GPR158: variants seen among roughly 807,000 people sequenced by gnomAD.
GPR158 encodes metabotropic glycine receptor.
A neutral mutation model predicts 78.2 loss-of-function variants in GPR158; 30 were observed. The observed-to-expected ratio is 0.38, with a 90% confidence interval of 0.29 to 0.52. The LOEUF is 0.52. Ranked by LOEUF, GPR158 falls within the 20% of genes least tolerant of loss-of-function variation. The pLI is 0.83. For missense variants in GPR158, 1,463 were observed against 1,523.5 expected, an observed-to-expected ratio of 0.96 and a Z score of 0.66; for synonymous variants, 581 against 591.1, an observed-to-expected ratio of 0.98 and a Z score of 0.25.
intron 1 of GPR158, among the ~76,000 whole-genome samples, chr10:25,205,644 A>C (rs1457403683): frequency 6.6e-6 from 1 of 152,028 alleles, no homozygotes. Flanking sequence ...AATTTTAAAG[A>C]ATTTCTTGAT....
intron 2 of GPR158, among the ~76,000 whole-genome samples, chr10:25,264,125 C>T (rs1267315048): frequency 1.3e-5 from 2 of 152,026 alleles, no homozygotes; most frequent in East Asian, 1.9e-4. Context: ...CCAAAGATTC[C>T]TTCCTTTTAA....
chr10:25,460,656 C>T (rs1013991671), intron 4 of GPR158, among the ~76,000 whole-genome samples: 14 of 151,996 alleles, frequency 9.2e-5, no homozygotes, highest in African/African-American at 3.4e-4. Context: ...TCTCTGGAAA[C>T]AAACAAACAA....
intron 4 of GPR158, among the ~76,000 whole-genome samples, chr10:25,436,465 G>C (rs1834998900): frequency 6.6e-6 from 1 of 152,176 alleles, no homozygotes; most frequent in Non-Finnish European, 1.5e-5. Flanking sequence ...AGTATAGAAA[G>C]AAGAAAACAA....
At chr10:25,339,747 A>T (rs1283585663) in intron 2 of GPR158, among the ~76,000 whole-genome samples, 1 of 152,044 alleles carries the variant, frequency 6.6e-6, no homozygotes, top group African/African-American at 2.4e-5. Flanking sequence ...TCTATATTTG[A>T]TGCACTGCTA....
intron 2 of GPR158, among the ~76,000 whole-genome samples, chr10:25,373,975 A>G (rs1329262): frequency 0.65 from 97,772 of 151,456 alleles, 32,518 homozygotes; most frequent in Non-Finnish European, 0.73. Flanking sequence ...CTTCATACTT[A>G]ATGATTTTTT....
chr10:25,302,051 T>G (rs1854603536), intron 2 of GPR158, among the ~76,000 whole-genome samples: 1 of 151,172 alleles, frequency 6.6e-6, no homozygotes, highest in Non-Finnish European at 1.5e-5. Flanking sequence ...TTATCGCATC[T>G]ATCAGTAATT....
intron 2 of GPR158, among the ~76,000 whole-genome samples, chr10:25,334,994 CTT>C (rs1855177766): frequency 6.6e-6 from 1 of 151,946 alleles, no homozygotes; most frequent in Non-Finnish European, 1.5e-5. Context: ...GAATGCAAAT[CTT>C]TGATTTTTTA....
intron 1 of GPR158, among the ~76,000 whole-genome samples, chr10:25,191,163 G>A (rs1216671866): frequency 6.6e-6 from 1 of 152,212 alleles, no homozygotes; most frequent in Non-Finnish European, 1.5e-5. Context: ...AAGAACCAAT[G>A]TTTTTAGTAA....
At chr10:25,190,358 G>T (rs1228744537) in intron 1 of GPR158, among the ~76,000 whole-genome samples, 2 of 151,296 alleles carry the variant, frequency 1.3e-5, no homozygotes, top group Non-Finnish European at 2.9e-5. Flanking sequence ...ATTGAGACAG[G>T]GTCTTACTTT....
intron 2 of GPR158, among the ~76,000 whole-genome samples, chr10:25,390,180 A>G (rs1760729): frequency 0.64 from 97,739 of 151,694 alleles, 32,439 homozygotes; most frequent in Non-Finnish European, 0.73. Flanking sequence ...TCCTTATAGC[A>G]GCTTGAGAAC....
chr10:25,522,932 AT>A (rs146972683), intron 5 of GPR158, among the ~76,000 whole-genome samples: 6,192 of 152,056 alleles, frequency 0.041, 249 homozygotes, highest in African/African-American at 0.11. Context: ...CTCAATTTCT[AT>A]TTTTTTTAAA....
chr10:25,350,549 T>C (rs889117306), intron 2 of GPR158, among the ~76,000 whole-genome samples: 13 of 152,060 alleles, frequency 8.5e-5, no homozygotes, highest in Admixed American at 7.9e-4. Context: ...TGGTCAGTTT[T>C]TTCCTAATTT....
intron 2 of GPR158, among the ~76,000 whole-genome samples, chr10:25,383,128 C>A (rs892394916): frequency 6.6e-6 from 1 of 152,214 alleles, no homozygotes; most frequent in African/African-American, 2.4e-5. Context: ...AGCCGCCGCT[C>A]CCGGCCCAGA....
chr10:25,404,611 T>C (rs1834488334), intron 3 of GPR158, among the ~76,000 whole-genome samples: 2 of 152,116 alleles, frequency 1.3e-5, no homozygotes, highest in Non-Finnish European at 2.9e-5. Flanking sequence ...GTATAGGCTT[T>C]TTCTATGTCC....
intron 1 of GPR158, among the ~76,000 whole-genome samples, chr10:25,193,885 T>TAAAAAAAAAAAAAAA (rs111919496): frequency 8.6e-6 from 1 of 115,638 alleles, no homozygotes. Context: ...GGTAAAGGGG[T>TAAAAAAAAAAAAAAA]AAAAAAAAAA....
intron 2 of GPR158, among the ~76,000 whole-genome samples, chr10:25,245,532 G>T (rs1034951741): frequency 2.0e-5 from 3 of 152,164 alleles, no homozygotes; most frequent in African/African-American, 7.2e-5. Context: ...ATGAGTGTGT[G>T]TTGGGGGGTG....
intron 2 of GPR158, among the ~76,000 whole-genome samples, chr10:25,372,002 A>G (rs1239778789): frequency 6.6e-6 from 1 of 151,902 alleles, no homozygotes; most frequent in African/African-American, 2.4e-5. Flanking sequence ...ACTCAAATAA[A>G]TTTACAAGAC....
chr10:25,239,253 T>G (rs912555544), intron 2 of GPR158, among the ~76,000 whole-genome samples: 4 of 152,044 alleles, frequency 2.6e-5, no homozygotes, highest in African/African-American at 4.8e-5. Context: ...GAGTGAGAGA[T>G]ATGGGTGAGA....
rs367571909 is a variant in GPR158 at position 25,594,436 on chromosome 10, T to C, written c.1998+39T>C. 21 of 883,468 alleles carry C rather than the reference T, an allele frequency of 2.4e-5. No individual in the cohort carries two copies. In the African/African-American group the frequency reaches 3.1e-4, roughly 13 times the overall value. The allele number at this position is 883,468 out of a possible 1,614,324, so 54.7% of individuals were successfully genotyped here. ...ATTACTTTTTTTTTTGCAAAACTTA[T>C]TTTTAATGAACATGGAGTTGTTTAT... is the stretch of plus-strand genomic sequence containing the variant. On this transcript the variant is annotated intron_variant, in intron 9 of 10. Transcript: ENST00000376351.
Sources: allele counts gnomAD v4.1 joint callset (sites outside exome capture counted in the v4.1 genomes callset), GRCh38; gene constraint gnomAD v4.1.1; transcripts MANE v1.5; gene names NCBI Gene and HGNC (gene_info 2026-07-23, HGNC 2026-07-21).